KCNIP4: variants seen among roughly 807,000 people sequenced by gnomAD.
KCNIP4 encodes potassium voltage-gated channel interacting protein 4.
A neutral mutation model predicts 34.0 loss-of-function variants in KCNIP4; 12 were observed. That is an observed-to-expected ratio of 0.35 (90% CI 0.23 to 0.57). KCNIP4 has a LOEUF of 0.57. Ranked by LOEUF, KCNIP4 falls within the 20% of genes least tolerant of loss-of-function variation. The probability of loss-of-function intolerance (pLI) is 0.83; values close to 1 mark genes in which losing one functional copy is unlikely to be tolerated. For missense variants in KCNIP4, 238 were observed against 311.7 expected, an observed-to-expected ratio of 0.76 and a Z score of 1.78; for synonymous variants, 124 against 102.2, an observed-to-expected ratio of 1.21 and a Z score of -1.29.
At chr4:21,771,386 C>A (rs1390465872) in intron 1 of KCNIP4, among the ~76,000 whole-genome samples, 1 of 152,120 alleles carries the variant, frequency 6.6e-6, no homozygotes, top group Non-Finnish European at 1.5e-5. Context: ...ATAACTCCAG[C>A]TTTGTTCTTT....
intron 1 of KCNIP4, chr4:21,316,472 A>C (rs1195324519): frequency 6.6e-6 from 1 of 152,192 alleles, no homozygotes; most frequent in East Asian, 1.9e-4. Context: ...TAAAGATTTA[A>C]TTTTTCACAT....
chr4:20,971,776 T>C (rs555697273), intron 1 of KCNIP4, among the ~76,000 whole-genome samples: 1 of 152,352 alleles, frequency 6.6e-6, no homozygotes, highest in South Asian at 2.1e-4. Flanking sequence ...ATTTGCCTCA[T>C]TGATTGAACT....
Position 21,346,210 on chromosome 4 carries a change from ATATAT to A in KCNIP4, c.62-463506_62-463502del, listed in dbSNP as rs1184823921. ...ATATATATAGAATTATATATATAATATATATTATATATAATTCTATATATATAATA... is the reference window on the plus strand; with the variant it reads ...ATATATATAGAATTATATATATAATATATATATAATTCTATATATATAATA... On this transcript the variant is annotated intron_variant, in intron 1 of 8. Coordinates refer to ENST00000382152, the MANE Select transcript of KCNIP4 (RefSeq NM_025221.6). 1.6e-3 allele frequency among the ~76,000 whole-genome samples: 105 copies of A among 65,708 alleles called. 3 individuals are homozygous for A. Among genetic ancestry groups the A allele is most frequent in the African/African-American group, 4.7e-3 (95 of 20,382 alleles). The allele number at this position is 65,708 out of a possible 152,430, so 43.1% of individuals were successfully genotyped here.
chr4:20,846,728 T>C (rs1030370591), intron 3 of KCNIP4, among the ~76,000 whole-genome samples: 3 of 152,132 alleles, frequency 2.0e-5, no homozygotes, highest in Admixed American at 1.3e-4. Flanking sequence ...AGCCTAGTCA[T>C]TGGTATTTGT....
chr4:21,442,225 C>T (rs527596150), intron 1 of KCNIP4, among the ~76,000 whole-genome samples: 2 of 152,054 alleles, frequency 1.3e-5, no homozygotes, highest in Admixed American at 6.6e-5. Flanking sequence ...TGCAGAGATT[C>T]GCCAGGAGGA....
At chr4:21,143,988 G>T (rs941213178) in intron 1 of KCNIP4, among the ~76,000 whole-genome samples, 1 of 152,070 alleles carries the variant, frequency 6.6e-6, no homozygotes, top group Non-Finnish European at 1.5e-5. Flanking sequence ...GATTACAGGC[G>T]TGAGCCACCG....
At chr4:21,751,680 C>T (rs1006373043) in intron 1 of KCNIP4, among the ~76,000 whole-genome samples, 1 of 151,516 alleles carries the variant, frequency 6.6e-6, no homozygotes, top group African/African-American at 2.4e-5. Context: ...GACATTTGTG[C>T]CTGCCAGGTA....
At chr4:21,563,690 T>G (rs542141820) in intron 1 of KCNIP4, among the ~76,000 whole-genome samples, 1 of 152,170 alleles carries the variant, frequency 6.6e-6, no homozygotes, top group African/African-American at 2.4e-5. Flanking sequence ...AAAGGTTTAG[T>G]TCAAATGCTA....
chr4:21,429,238 GT>G (rs1378238890), intron 1 of KCNIP4, among the ~76,000 whole-genome samples: 1 of 150,422 alleles, frequency 6.6e-6, no homozygotes, highest in Non-Finnish European at 1.5e-5. Flanking sequence ...ACATTACACA[GT>G]TACACAGTCT....
chr4:21,617,013 A>C (rs1744653698), intron 1 of KCNIP4, among the ~76,000 whole-genome samples: 1 of 152,194 alleles, frequency 6.6e-6, no homozygotes, highest in African/African-American at 2.4e-5. Context: ...TCTTAAAAAC[A>C]TTCTTTGGCC....
At chr4:21,600,309 C>A (rs1743005190) in intron 1 of KCNIP4, among the ~76,000 whole-genome samples, 1 of 152,058 alleles carries the variant, frequency 6.6e-6, no homozygotes, top group Non-Finnish European at 1.5e-5. Flanking sequence ...CTCAAACTTT[C>A]ATAATTACTG....
chr4:21,098,349 G>A (rs1417266847), intron 1 of KCNIP4, among the ~76,000 whole-genome samples: 4 of 152,190 alleles, frequency 2.6e-5, no homozygotes, highest in Non-Finnish European at 5.9e-5. Context: ...GGAAGAAAAT[G>A]TTATCTAGGA....
intron 1 of KCNIP4, among the ~76,000 whole-genome samples, chr4:21,540,901 T>C (rs1409169899): frequency 6.6e-6 from 1 of 152,060 alleles, no homozygotes; most frequent in Non-Finnish European, 1.5e-5. Flanking sequence ...CCTGGCACGG[T>C]GGCTCACGCC....
chr4:21,172,970 C>T (rs929710650), intron 1 of KCNIP4, among the ~76,000 whole-genome samples: 24 of 152,296 alleles, frequency 1.6e-4, no homozygotes, highest in African/African-American at 4.6e-4. Context: ...GGACTGCATA[C>T]GGAAGCGGCA....
chr4:21,273,588 C>T (rs1273746522), intron 1 of KCNIP4, among the ~76,000 whole-genome samples: 2 of 152,076 alleles, frequency 1.3e-5, no homozygotes, highest in Admixed American at 6.5e-5. Context: ...ACTTTCCATA[C>T]CTTTATTCAT....
At chr4:20,943,534 G>A (rs1731875853) in intron 1 of KCNIP4, among the ~76,000 whole-genome samples, 1 of 152,146 alleles carries the variant, frequency 6.6e-6, no homozygotes, top group African/African-American at 2.4e-5. Flanking sequence ...ATGGGCCAGG[G>A]ACTATTCTGT....
chr4:21,795,996 G>A (rs1434120147), intron 1 of KCNIP4, among the ~76,000 whole-genome samples: 1 of 152,162 alleles, frequency 6.6e-6, no homozygotes, highest in East Asian at 1.9e-4. Context: ...TTGAACCCAG[G>A]AGGCGGAGGT....
intron 1 of KCNIP4, among the ~76,000 whole-genome samples, chr4:21,165,552 C>T (rs544920839): frequency 6.7e-6 from 1 of 148,466 alleles, no homozygotes; most frequent in Admixed American, 6.9e-5. Flanking sequence ...AAAATTAACT[C>T]AAAATGCATC....
chr4:21,845,525 C>T (rs1355710508), intron 1 of KCNIP4: 3 of 152,002 alleles, frequency 2.0e-5, no homozygotes, highest in Non-Finnish European at 4.4e-5. Flanking sequence ...TTAGAAAATT[C>T]TTTTTTCCAA....
Sources: allele counts gnomAD v4.1 joint callset (sites outside exome capture counted in the v4.1 genomes callset), GRCh38; gene constraint gnomAD v4.1.1; transcripts MANE v1.5; gene names NCBI Gene and HGNC (gene_info 2026-07-23, HGNC 2026-07-21).